SON: variants seen among roughly 807,000 people sequenced by gnomAD.
SON encodes SON DNA and RNA binding protein.
Under a neutral mutation model 173.3 loss-of-function variants are expected in SON, and 4 were observed. The ratio of observed to expected loss-of-function variants is 0.02; its 90% CI spans 0.01 to 0.05. The LOEUF (loss-of-function observed/expected upper bound fraction) is 0.05. SON is among the 10% of genes least tolerant of loss of function. The probability of loss-of-function intolerance (pLI) is 1.00; values close to 1 mark genes in which losing one functional copy is unlikely to be tolerated. For synonymous variants in SON, 1,190 were observed against 1,105.9 expected (o/e 1.08, Z -1.51); for missense variants, 2,626 against 3,055.3 (o/e 0.86, Z 3.31).
chr21:33,547,890 ATTT>A (rs55756921), intron 2 of SON, among the ~76,000 whole-genome samples: 32,476 of 147,164 alleles, frequency 0.22, 4,193 homozygotes, highest in Non-Finnish European at 0.28. Flanking sequence ...AATTTTTTGT[ATTT>A]TTTTTTTTTT....
At chr21:33,560,945 C>G (rs1261955534) in intron 6 of SON, 1 of 152,184 alleles carries the variant, frequency 6.6e-6, no homozygotes. Context: ...TCCAATTCTA[C>G]AAATAAATCC....
chr21:33,557,040 C>A, intron 3 of SON, 116 bp from the exon 4 acceptor site: 1 of 766,140 alleles, frequency 1.3e-6, no homozygotes, highest in Non-Finnish European at 1.9e-6. Flanking sequence ...TTGTTAGATA[C>A]CCAAGTTCTT....
chr21:33,565,677 C>A (rs910002492), intron 6 of SON, among the ~76,000 whole-genome samples: 1 of 152,142 alleles, frequency 6.6e-6, no homozygotes, highest in African/African-American at 2.4e-5. Flanking sequence ...TTACTTAAAT[C>A]AACTTAGCGA....
chr21:33,549,896 TCTCAGAGCA>T lies in SON; in HGVS notation c.666_674del (p.Ile222_Gln225delinsMet). The T allele has an allele frequency of 6.2e-7, 1 of 1,614,246 alleles. No homozygotes were observed. Among genetic ancestry groups the T allele is most frequent in the Non-Finnish European group, 8.5e-7 (1 of 1,180,048 alleles). On this transcript the variant is annotated inframe_deletion, in exon 3 of 12. Transcript: ENST00000356577. ...CTGTCAGTTGTATCTACATCAGTAA[TCTCAGAGCA>T]GTCAGAGCAGTCTGTGGCAGTAATG...
intron 2 of SON, 105 bp from the exon 3 acceptor site, chr21:33,549,371 C>A: frequency 1.1e-6 from 1 of 945,270 alleles, no homozygotes; most frequent in South Asian, 2.0e-5. Context: ...CTGTACTTGG[C>A]CTGTACTAAG....
chr21:33,573,066 GCTA>G, intron 8 of SON: 1 of 371,612 alleles, frequency 2.7e-6, no homozygotes, highest in Non-Finnish European at 4.8e-6. Context: ...GGGCACGAGG[GCTA>G]CTGTTTCAAA....
chr21:33,561,131 C>T (rs1331383661), intron 6 of SON, among the ~76,000 whole-genome samples: 1 of 152,150 alleles, frequency 6.6e-6, no homozygotes, highest in African/African-American at 2.4e-5. Flanking sequence ...CTAGCCAGTG[C>T]AACTTACAGT....
In SON at chr21:33,552,694, C is replaced by G; in HGVS notation, c.3463C>G (p.Pro1155Ala). ...GCCACCTTTGCCTCCTGAAGAGCCC[C>G]CAACAATGCCACCGTTGCCACCTGA... ...MVPPLPPEEPPTMPPLPPEEP... is the reference protein window; with the variant it reads ...MVPPLPPEEPATMPPLPPEEP... Residue 1155 changes from proline (P) to alanine (A), a missense_variant, in exon 3 of 12, where the codon CCA (proline) becomes GCA (alanine). Coordinates refer to ENST00000356577, the MANE Select transcript of SON (RefSeq NM_138927.4). The surrounding 1 kb of genome is among the most constrained non-coding windows in gnomAD (Gnocchi z 5.6). The G allele has an allele frequency of 1.2e-6, 2 of 1,614,084 alleles. No homozygotes were observed. The highest frequency in any genetic ancestry group is 8.5e-7 in the Non-Finnish European group (1 of 1,180,016).
intron 4 of SON, chr21:33,558,517 T>TA (rs2086009528): frequency 6.6e-6 from 1 of 152,226 alleles, no homozygotes; most frequent in Non-Finnish European, 1.5e-5. Flanking sequence ...CAATATGAAT[T>TA]ACAACTTTTT....
Position 33,552,251 on chromosome 21 carries a change from G to A in SON, c.3020G>A (p.Arg1007His), listed in dbSNP as rs1172797729. 4 of 1,614,116 alleles carry A rather than the reference G, an allele frequency of 2.5e-6. No homozygotes were observed. The highest frequency in any genetic ancestry group is 1.1e-5 in the South Asian group (1 of 91,084). The change falls in exon 3 of 12, where the codon CGT (arginine) becomes CAT (histidine). Residue 1007 changes from arginine (R) to histidine (H), a missense_variant. Around this residue, in one of 13 missense-constraint regions of SON, gnomAD observed 366 missense variants for 448.6 expected, o/e 0.82. Coordinates refer to ENST00000356577, the MANE Select transcript of SON (RefSeq NM_138927.4). The surrounding 1 kb of genome is among the most constrained non-coding windows in gnomAD (Gnocchi z 5.6). ...ATGATGATGTCCTATGCTGCAGAAC[G>A]TTCCATGATGTCATCTTACGAACGC... ...RSMMMSYAAE[R>H]SMMSSYERSM...
rs755151659 is a variant in SON, at chr21:33,554,757, A to G, written c.5526A>G (p.Glu1842=). ...SEHKSRKRTS[E]SRSRARKRSS... ...ACAAATCACGCAAGCGTACCAGTGA[A>G]TCTCGTTCTAGGGCAAGAAAGAGAT... The change falls in exon 3 of 12, where the codon GAA becomes GAG. Residue 1842 remains glutamate, a synonymous_variant. Transcript: ENST00000356577. 1.9e-6 allele frequency: 3 copies of G among 1,613,924 alleles called. No homozygotes were observed. Among genetic ancestry groups the G allele is most frequent in the Non-Finnish European group, 2.5e-6 (3 of 1,180,042 alleles).
rs764718487 is a variant in SON, at chr21:33,552,074, C to G, written c.2843C>G (p.Pro948Arg). 1 of 1,614,038 alleles carries G rather than the reference C, an allele frequency of 6.2e-7. No individual in the cohort carries two copies. Among genetic ancestry groups the G allele is most frequent in the Non-Finnish European group, 8.5e-7 (1 of 1,179,990 alleles). ...GATGCTTACAGGTTAGGACAAGACC[C>G]TTATAGATTAGGCCATGATCCCTAC... is the stretch of plus-strand genomic sequence containing the variant. The part of the protein sequence containing the change: ...GHDAYRLGQD[P>R]YRLGHDPYRL... Residue 948 changes from proline (P) to arginine (R), a missense_variant, in exon 3 of 12, where the codon CCT becomes CGT. By Grantham distance (103) the Pro-to-Arg change is moderately radical. This residue lies in a region of SON where 366 missense variants were observed against 448.6 expected (regional missense o/e 0.82). Transcript: ENST00000356577. The surrounding 1 kb of genome is among the most constrained non-coding windows in gnomAD (Gnocchi z 5.6).
rs781373122 is a variant in SON, at chr21:33,554,892, A to T, written c.5661A>T (p.Ser1887=). Residue 1887 remains serine, a synonymous_variant, in exon 3 of 12, where the codon TCA becomes TCT. Coordinates refer to ENST00000356577, the MANE Select transcript of SON (RefSeq NM_138927.4). Reference sequence around the variant, plus strand: ...AGTCTAGAGGAAGAAGATCTGTATCAAAAGAGAAGCGCAAAAGATCTCCAA... The same window carrying T: ...AGTCTAGAGGAAGAAGATCTGTATCTAAAGAGAAGCGCAAAAGATCTCCAA... ...RSKSRGRRSV[S]KEKRKRSPKH... 5 of 1,614,096 alleles carry T rather than the reference A, an allele frequency of 3.1e-6. No individual in the cohort carries two copies. Among genetic ancestry groups the T allele is most frequent in the Non-Finnish European group, 4.2e-6 (5 of 1,180,056 alleles).
rs1263801415 is a variant in SON, at chr21:33,549,776, C to A, written c.545C>A (p.Ser182Tyr). 2 of 1,614,062 alleles carry A rather than the reference C, an allele frequency of 1.2e-6. No individual in the cohort carries two copies. The highest frequency in any genetic ancestry group is 1.3e-5 in the African/African-American group (1 of 74,922). Reference protein sequence around the residue: ...RAFGPSETNESPAVVLEPPVV... With the variant: ...RAFGPSETNEYPAVVLEPPVV... ...TTTGGCCCATCTGAGACCAATGAAT[C>A]CCCTGCAGTTGTGCTAGAACCTCCT... The change falls in exon 3 of 12, where the codon TCC becomes TAC. Residue 182 changes from serine (S) to tyrosine (Y), a missense_variant. Around this residue, in one of 13 missense-constraint regions of SON, gnomAD observed 757 missense variants for 730.1 expected, o/e 1.04. Coordinates refer to ENST00000356577, the MANE Select transcript of SON (RefSeq NM_138927.4).
rs569758690 is a variant in SON at position 33,553,345 on chromosome 21, A to G, written c.4114A>G (p.Thr1372Ala). The change falls in exon 3 of 12, where the codon ACT becomes GCT. Residue 1372 changes from threonine (T) to alanine (A), a missense_variant. Around this residue, in one of 13 missense-constraint regions of SON, gnomAD observed 1,006 missense variants for 895.6 expected, o/e 1.12. Transcript: ENST00000356577. Reference protein sequence around the residue: ...SSAVTVLESSTVTVLESSTVT... With the variant: ...SSAVTVLESSAVTVLESSTVT... ...GGCTGTGACCGTCCTGGAGTCTTCG[A>G]CTGTGACTGTCCTGGAGTCTTCGAC... The G allele has an allele frequency of 2.8e-5, 44 of 1,584,944 alleles. No individual in the cohort carries two copies. The highest frequency in any genetic ancestry group is 8.4e-5 in the Admixed American group (5 of 59,410).
chr21:33,543,166 C>T lies in SON; in HGVS notation c.74C>T (p.Ser25Phe). Reference protein sequence around the residue: ...SKFREIQQELSSGRNEGQLNG... With the variant: ...SKFREIQQELFSGRNEGQLNG... ...TTCCGGGAAATTCAACAGGAGCTTT[C>T]CAGGTAAACGCCTCCCAGATTCTTC... The change falls in exon 1 of 12, where the codon TCC (serine) becomes TTC (phenylalanine). Residue 25 changes from serine (S) to phenylalanine (F), a missense_variant. This residue lies in a region of SON where 757 missense variants were observed against 730.1 expected (regional missense o/e 1.04). Transcript: ENST00000356577. 1.2e-6 allele frequency: 2 copies of T among 1,613,446 alleles called. No individual in the cohort carries two copies. Among genetic ancestry groups the T allele is most frequent in the East Asian group, 2.2e-5 (1 of 44,888 alleles).
intron 2 of SON, among the ~76,000 whole-genome samples, chr21:33,548,233 C>T: frequency 6.6e-6 from 1 of 151,580 alleles, no homozygotes; most frequent in East Asian, 1.9e-4. Context: ...GTATTCTTTT[C>T]TAAAATAGAA....
Position 33,553,011 on chromosome 21 carries a change from G to T in SON, c.3780G>T (p.Thr1260=). ...CACCAGAGCCAGAATCTTCAATTAC[G>T]TTAACACCTGTAGAGTCTGCAGTAG... is the stretch of plus-strand genomic sequence containing the variant. ...EPPPEPESSI[T]LTPVESAVVA... Residue 1260 remains threonine (T), a synonymous_variant, in exon 3 of 12, where the codon ACG becomes ACT. Coordinates refer to ENST00000356577, the MANE Select transcript of SON (RefSeq NM_138927.4). 2 of 1,612,352 alleles carry T rather than the reference G, an allele frequency of 1.2e-6. No homozygotes were observed. The highest frequency in any genetic ancestry group is 1.7e-6 in the Non-Finnish European group (2 of 1,178,398).
Position 33,555,243 on chromosome 21 carries a change from G to A in SON, c.6012G>A (p.Val2004=). The A allele has an allele frequency of 6.2e-7, 1 of 1,611,826 alleles. No homozygotes were observed. Among genetic ancestry groups the A allele is most frequent in the African/African-American group, 1.3e-5 (1 of 74,774 alleles). Residue 2004 remains valine (V), a synonymous_variant, in exon 3 of 12, where the codon GTG becomes GTA. Coordinates refer to ENST00000356577, the MANE Select transcript of SON (RefSeq NM_138927.4). ...GCCGCCGGAGAAGATCAAGGTCTGT[G>A]GTAAGAAGACGAAGCTTCAGTATCT... The part of the protein sequence containing the change: ...TPSRRRRSRS[V]VRRRSFSISP...
Sources: allele counts gnomAD v4.1 joint callset (sites outside exome capture counted in the v4.1 genomes callset), GRCh38; gene constraint gnomAD v4.1.1; regional missense constraint gnomAD v4.1.1; non-coding constraint Gnocchi (gnomAD v3.1); transcripts MANE v1.5; gene names NCBI Gene and HGNC (gene_info 2026-07-23, HGNC 2026-07-21).